The following NT5C2 variants were observed in gnomAD, a reference collection of about 807,000 sequenced individuals.
The protein encoded by NT5C2 is 5'-nucleotidase, cytosolic II, also known as cytosolic purine 5'-nucleotidase.
In NT5C2, 58 loss-of-function variants were observed where a neutral mutation model predicts 76.1. The observed-to-expected ratio is 0.76, with a 90% confidence interval of 0.62 to 0.95. The LOEUF is 0.95. Ranked by LOEUF, NT5C2 falls within the 40% of genes least tolerant of loss-of-function variation. The pLI, the probability that NT5C2 is intolerant of heterozygous loss-of-function variation, is 0.00. For synonymous variants in NT5C2, 229 were observed against 237.4 expected (o/e 0.96, Z 0.32); for missense variants, 478 against 690.3 (o/e 0.69, Z 3.45).
At chr10:103,093,887 A>G in intron 14 of NT5C2, 85 bp downstream of exon 14, 1 of 996,008 alleles carries the variant, frequency 1.0e-6, no homozygotes, top group South Asian at 1.3e-5. Context: ...TAAACAGTAT[A>G]TGTGGCACTT....
At chr10:103,146,115 A>C in intron 3 of NT5C2, 1 of 985,392 alleles carries the variant, frequency 1.0e-6, no homozygotes. Flanking sequence ...AATTCTTCGT[A>C]AGGTCCCTAG....
intron 4 of NT5C2, among the ~76,000 whole-genome samples, chr10:103,136,629 T>A (rs77101218): frequency 0.017 from 2,359 of 138,828 alleles, 43 homozygotes; most frequent in African/African-American, 0.05. Flanking sequence ...GTTAATTATT[T>A]TTTTTTTTTT....
chr10:103,184,864 G>A (rs1264649238), intron 1 of NT5C2, among the ~76,000 whole-genome samples: 4 of 152,170 alleles, frequency 2.6e-5, no homozygotes, highest in East Asian at 3.8e-4. Flanking sequence ...AGAACTTGTC[G>A]AGTGAGAAAT....
At chr10:103,142,460 C>G (rs1277798199) in intron 3 of NT5C2, among the ~76,000 whole-genome samples, 1 of 151,984 alleles carries the variant, frequency 6.6e-6, no homozygotes, top group African/African-American at 2.4e-5. Context: ...CGCTTGAGCA[C>G]AGGAGTTCGA....
chr10:103,164,590 T>G (rs993217850), intron 3 of NT5C2, among the ~76,000 whole-genome samples: 1 of 152,032 alleles, frequency 6.6e-6, no homozygotes, highest in Non-Finnish European at 1.5e-5. Flanking sequence ...AAAACCTAAA[T>G]GTCCACCAAC....
chr10:103,111,681 T>C, intron 4 of NT5C2: 2 of 1,096,770 alleles, frequency 1.8e-6, no homozygotes, highest in Non-Finnish European at 2.3e-6. Flanking sequence ...TTTAGAAAAA[T>C]AAAGGGCAAA....
Position 103,099,911 on chromosome 10 carries a change from A to C in NT5C2, c.633+15T>G. ...TGCCAGAAAGCAAGCAGGTGAAGAA[A>C]CAGCTTCTAGGTACCTTGTAATGAA... On this transcript the variant is annotated intron_variant, in intron 9 of 18. Transcript: ENST00000404739. 6.5e-7 allele frequency: 1 copy of C among 1,540,872 alleles called. No individual in the cohort carries two copies. The highest frequency in any genetic ancestry group is 1.7e-4 in the Middle Eastern group (1 of 5,946).
At chr10:103,128,274 C>T (rs2077103201) in intron 4 of NT5C2, among the ~76,000 whole-genome samples, 1 of 150,800 alleles carries the variant, frequency 6.6e-6, no homozygotes, top group Non-Finnish European at 1.5e-5. Flanking sequence ...GCTGTGTTGG[C>T]CGGGCCGGTC....
intron 4 of NT5C2, chr10:103,111,849 C>T: frequency 8.4e-7 from 1 of 1,187,086 alleles, no homozygotes. Context: ...AAAACAAAAA[C>T]AAAAGCTGGT....
chr10:103,090,791 A>C lies in NT5C2; in HGVS notation c.1273-4T>G. On this transcript the variant is annotated splice_polypyrimidine_tract_variant and splice_region_variant and intron_variant, in intron 17 of 18. Transcript: ENST00000404739. ...TGTCCATGTCATGAGTTACTTTCTA[A>C]AACAAAGAACAAGATTGATTCTTGG... 4 of 1,613,792 alleles carry C rather than the reference A, an allele frequency of 2.5e-6. No homozygotes were observed. The highest frequency in any genetic ancestry group is 3.4e-6 in the Non-Finnish European group (4 of 1,179,878).
At chr10:103,116,776 T>C (rs2074459372) in intron 4 of NT5C2, among the ~76,000 whole-genome samples, 1 of 151,480 alleles carries the variant, frequency 6.6e-6, no homozygotes, top group Admixed American at 6.6e-5. Context: ...GGTCTCACCA[T>C]ATTGCCCAGG....
chr10:103,147,607 CCT>C (rs1427875887), intron 3 of NT5C2, among the ~76,000 whole-genome samples: 4 of 152,086 alleles, frequency 2.6e-5, no homozygotes, highest in East Asian at 1.9e-4. Flanking sequence ...TTCAAAATTC[CCT>C]GTTTTGACAC....
intron 4 of NT5C2, among the ~76,000 whole-genome samples, chr10:103,135,741 T>G (rs1202408494): frequency 1.3e-5 from 2 of 150,444 alleles, no homozygotes; most frequent in African/African-American, 2.5e-5. Flanking sequence ...TGAGCTGAGA[T>G]CGCACCACTG....
intron 3 of NT5C2, among the ~76,000 whole-genome samples, chr10:103,174,091 G>A (rs1168701681): frequency 1.0e-4 from 14 of 133,474 alleles, no homozygotes; most frequent in Admixed American, 1.6e-4. Flanking sequence ...GCCAGACTCC[G>A]TCTCAAAAAA....
Position 103,093,297 on chromosome 10 carries a change from G to A in NT5C2, c.1001C>T (p.Thr334Met), listed in dbSNP as rs990110554. The A allele has an allele frequency of 6.9e-6, 11 of 1,582,770 alleles. No homozygotes were observed. Among genetic ancestry groups the A allele is most frequent in the Middle Eastern group, 3.4e-4 (2 of 5,970 alleles). The change falls in exon 15 of 19, where the codon ACG becomes ATG. Residue 334 changes from threonine to methionine, a missense_variant. Physicochemically the swap from Thr to Met is moderately conservative, Grantham distance 81. Coordinates refer to ENST00000404739, the MANE Select transcript of NT5C2 (RefSeq NM_001351169.2). The part of the protein sequence containing the change: ...GIVYSGGSSD[T>M]ICDLLGAKGK... ...CTTGGCTCCCAACAGGTCACAGATCGTATCAGAAGAACCTGAACCAACAGA... is the reference window on the plus strand; with the variant it reads ...CTTGGCTCCCAACAGGTCACAGATCATATCAGAAGAACCTGAACCAACAGA...
chr10:103,133,970 G>T (rs568806648), intron 4 of NT5C2, among the ~76,000 whole-genome samples: 257 of 152,310 alleles, frequency 1.7e-3, no homozygotes, highest in African/African-American at 6.0e-3. Flanking sequence ...CTTTGAACTT[G>T]AGAGAGATGA....
intron 4 of NT5C2, among the ~76,000 whole-genome samples, chr10:103,130,583 T>TAAAAAAAAAAAAAAAAAAA (rs5787482): frequency 1.5e-5 from 2 of 137,348 alleles, no homozygotes; most frequent in East Asian, 2.1e-4. Context: ...AAATAAAAAT[T>TAAAAAAAAAAAAAAAAAAA]AAAAAAAAAA....
intron 4 of NT5C2, among the ~76,000 whole-genome samples, chr10:103,129,056 T>G: frequency 1.0e-5 from 1 of 98,064 alleles, no homozygotes; most frequent in African/African-American, 3.9e-5. Flanking sequence ...CGGCCAGCCG[T>G]GCCATCCGGG....
intron 4 of NT5C2, among the ~76,000 whole-genome samples, chr10:103,118,499 G>GA (rs1246082179): frequency 2.0e-5 from 3 of 151,830 alleles, no homozygotes; most frequent in Non-Finnish European, 4.4e-5. Context: ...TGGGATTACA[G>GA]ACGTGCACCA....
Sources: gnomAD v4.1 joint callset for allele counts (sites outside exome capture counted in the v4.1 genomes callset) on GRCh38, gnomAD v4.1.1 for gene constraint, MANE v1.5 for transcripts, NCBI Gene and HGNC (gene_info 2026-07-23, HGNC 2026-07-21) for gene names.